Variants in CALN1 observed in about 807,000 individuals in gnomAD.
CALN1 encodes the protein calneuron 1.
In CALN1, 17 loss-of-function variants were observed where a neutral mutation model predicts 30.6. The observed-to-expected ratio is 0.56, with a 90% CI of 0.38 to 0.83. CALN1 has a LOEUF of 0.83. Ranked by LOEUF, CALN1 falls within the 40% of genes least tolerant of loss-of-function variation. The probability of loss-of-function intolerance (pLI) is 0.00; values close to 1 mark genes in which losing one functional copy is unlikely to be tolerated. For synonymous variants in CALN1, 156 were observed against 131.4 expected (o/e 1.19, Z -1.28); for missense variants, 291 against 354.9 (o/e 0.82, Z 1.45).
chr7:71,994,026 T>C (rs1352979435), intron 5 of CALN1, among the ~76,000 whole-genome samples: 1 of 152,170 alleles, frequency 6.6e-6, no homozygotes, highest in Non-Finnish European at 1.5e-5. Flanking sequence ...ATAAAGTTAA[T>C]GGAATAATAT....
At chr7:72,406,615 C>CTTT (rs1189744119) in intron 1 of CALN1, among the ~76,000 whole-genome samples, 5 of 102,216 alleles carry the variant, frequency 4.9e-5, no homozygotes, top group South Asian at 7.4e-4. Flanking sequence ...TCCTTGTCAG[C>CTTT]TTTTTTTTTT....
rs372778057 is a variant in CALN1, at chr7:72,359,458, C to T, written c.119+43793G>A. On this transcript the variant is annotated intron_variant, in intron 2 of 6. Transcript: ENST00000395275. The stretch of plus-strand genomic sequence containing the variant: ...TTTATACAAATGCTAACACACTGTA[C>T]ACATTGTTCTCTACCTTTCTTTTTC... Among the ~76,000 whole-genome samples the T allele has an allele frequency of 3.3e-5, 5 of 152,168 alleles. 1 individual carries two copies. The East Asian group carries it at 9.6e-4, about 29-fold the overall frequency.
chr7:71,838,692 G>T (rs535839616), intron 5 of CALN1, among the ~76,000 whole-genome samples: 1 of 152,300 alleles, frequency 6.6e-6, no homozygotes, highest in East Asian at 1.9e-4. Context: ...TGAATCATGG[G>T]GGAGGTTACC....
intron 3 of CALN1, among the ~76,000 whole-genome samples, chr7:72,266,009 G>A (rs1483933581): frequency 6.6e-6 from 1 of 151,896 alleles, no homozygotes; most frequent in African/African-American, 2.4e-5. Context: ...AGGTGTAATG[G>A]CACGCACCTG....
intron 5 of CALN1, among the ~76,000 whole-genome samples, chr7:71,972,521 A>C (rs1318551401): frequency 2.0e-5 from 3 of 152,208 alleles, no homozygotes; most frequent in Non-Finnish European, 4.4e-5. Context: ...GAACAGACCT[A>C]AAGTGGGATA....
intron 2 of CALN1, among the ~76,000 whole-genome samples, chr7:72,388,567 T>G (rs944550867): frequency 1.3e-5 from 2 of 152,224 alleles, no homozygotes; most frequent in African/African-American, 2.4e-5. Context: ...GTTGGGGATA[T>G]GGGCACTCTG....
chr7:71,829,632 G>A (rs1376543028), intron 5 of CALN1, among the ~76,000 whole-genome samples: 1 of 152,230 alleles, frequency 6.6e-6, no homozygotes, highest in East Asian at 1.9e-4. Context: ...CGGCCACACA[G>A]CTATTGGATT....
chr7:72,189,420 T>G (rs894373513), intron 3 of CALN1, among the ~76,000 whole-genome samples: 1 of 152,216 alleles, frequency 6.6e-6, no homozygotes, highest in Admixed American at 6.5e-5. Context: ...TATATTAGAA[T>G]TATAAAGCTT....
At chr7:72,495,017 C>T in the CALN1 span, among the ~76,000 whole-genome samples, 4 of 152,154 alleles carry the variant, frequency 2.6e-5, no homozygotes, top group Non-Finnish European at 5.9e-5. Context: ...TGGAAATCAC[C>T]CCCTATTACT....
chr7:72,342,885 TGGAA>T (rs1433766803), intron 2 of CALN1, among the ~76,000 whole-genome samples: 2 of 152,144 alleles, frequency 1.3e-5, no homozygotes, highest in Non-Finnish European at 2.9e-5. Context: ...AAATACATGT[TGGAA>T]GGTAAAATTT....
chr7:71,939,150 T>C (rs1177394281), intron 5 of CALN1, among the ~76,000 whole-genome samples: 1 of 152,008 alleles, frequency 6.6e-6, no homozygotes, highest in African/African-American at 2.4e-5. Context: ...CAAGGGAAAA[T>C]CAGGTCAGGA....
At position 72,271,575 on chromosome 7, in the gene CALN1, A is replaced by AAAAAAAAAAAAATATATATATATATATAT; in HGVS notation, c.244+7110_244+7111insATATATATATATATATATTTTTTTTTTTT. On this transcript the variant is annotated intron_variant, in intron 3 of 6. Coordinates refer to ENST00000395275, the MANE Select transcript of CALN1 (RefSeq NM_031468.4). Reference sequence around the variant, plus strand: ...CTGTGCCTGCCTTTTAAAAAAAAAAAATATATATATATATATATAGTTTTC... The same window carrying AAAAAAAAAAAAATATATATATATATATAT: ...CTGTGCCTGCCTTTTAAAAAAAAAAAAAAAAAAAAAAATATATATATATATATATATATATATATATATATATAGTTTTC... Among the ~76,000 whole-genome samples the AAAAAAAAAAAAATATATATATATATATAT allele has an allele frequency of 1.6e-3, 84 of 52,062 alleles. 1 individual carries two copies. Among genetic ancestry groups the AAAAAAAAAAAAATATATATATATATATAT allele is most frequent in the South Asian group, 7.0e-3 (6 of 860 alleles). The allele number at this position is 52,062 out of a possible 152,430, so 34.2% of individuals were successfully genotyped here. A position where few individuals can be genotyped will look rare whatever the true frequency, so the allele number is the denominator to read the frequency against.
At chr7:71,789,395 A>C (rs1192379301) in intron 6 of CALN1, among the ~76,000 whole-genome samples, 1 of 151,868 alleles carries the variant, frequency 6.6e-6, no homozygotes, top group African/African-American at 2.4e-5. Flanking sequence ...TCAGCCTGGG[A>C]GACAGAGCGA....
chr7:71,889,686 G>T (rs570704790), intron 5 of CALN1, among the ~76,000 whole-genome samples: 18 of 152,324 alleles, frequency 1.2e-4, no homozygotes, highest in African/African-American at 4.1e-4. Flanking sequence ...TGGGCACGGT[G>T]GCTCAAGCCT....
the CALN1 span, among the ~76,000 whole-genome samples, chr7:72,501,856 C>G: frequency 7.3e-6 from 1 of 137,364 alleles, no homozygotes; most frequent in East Asian, 2.2e-4. Context: ...TTGCAGTGAG[C>G]TGAGATCATG....
chr7:72,232,135 G>A (rs544411217), intron 3 of CALN1, among the ~76,000 whole-genome samples: 1 of 152,296 alleles, frequency 6.6e-6, no homozygotes, highest in South Asian at 2.1e-4. Flanking sequence ...CATTCTAGGG[G>A]TCAGAAGAAA....
chr7:72,278,472 T>TACACAC (rs59010102), intron 3 of CALN1, among the ~76,000 whole-genome samples: 7,303 of 143,994 alleles, frequency 0.051, 332 homozygotes, highest in African/African-American at 0.11. Flanking sequence ...ATCAGGTCTG[T>TACACAC]ACACACACAC....
At chr7:72,127,093 CATTCCATCCAGCAGAT>C (rs1808821808) in intron 3 of CALN1, among the ~76,000 whole-genome samples, 1 of 151,734 alleles carries the variant, frequency 6.6e-6, no homozygotes, top group Non-Finnish European at 1.5e-5. Context: ...ATCCAGCAAT[CATTCCATCCAGCAGAT>C]TGCTGGATGG....
chr7:72,311,342 G>C (rs529083402), intron 2 of CALN1, among the ~76,000 whole-genome samples: 1 of 152,096 alleles, frequency 6.6e-6, no homozygotes, highest in Non-Finnish European at 1.5e-5. Context: ...TACATTATTG[G>C]TAAGGCTTCC....
Sources: allele counts gnomAD v4.1 joint callset (sites outside exome capture counted in the v4.1 genomes callset), GRCh38; gene constraint gnomAD v4.1.1; transcripts MANE v1.5; gene names NCBI Gene and HGNC (gene_info 2026-07-23, HGNC 2026-07-21).